IGF2BP2: variants seen among roughly 807,000 people sequenced by gnomAD.
The protein encoded by IGF2BP2 is insulin-like growth factor 2 mRNA-binding protein 2.
Under a neutral mutation model 75.8 loss-of-function variants are expected in IGF2BP2, and 17 were observed. That is an observed-to-expected ratio of 0.22 (90% CI 0.15 to 0.34). The LOEUF (loss-of-function observed/expected upper bound fraction) is 0.34. IGF2BP2 is among the 10% of genes least tolerant of loss of function. IGF2BP2 has a pLI of 1.00. For missense variants in IGF2BP2, 516 were observed against 772.4 expected, an observed-to-expected ratio of 0.67 and a Z score of 3.93; for synonymous variants, 288 against 295.6, an observed-to-expected ratio of 0.97 and a Z score of 0.26.
intron 2 of IGF2BP2, among the ~76,000 whole-genome samples, chr3:185,730,306 G>A (rs1727969996): frequency 6.6e-6 from 1 of 151,840 alleles, no homozygotes; most frequent in African/African-American, 2.4e-5. Context: ...TGGCTGCATA[G>A]TATTCCGTGG....
At chr3:185,713,342 T>C (rs1160761907) in intron 2 of IGF2BP2, 1 of 502,538 alleles carries the variant, frequency 2.0e-6, no homozygotes, top group Non-Finnish European at 4.0e-6. Flanking sequence ...TTTCACATTT[T>C]TAAAATAATA....
intron 2 of IGF2BP2, among the ~76,000 whole-genome samples, chr3:185,809,198 C>A (rs1385603392): frequency 6.6e-6 from 1 of 150,988 alleles, no homozygotes; most frequent in Non-Finnish European, 1.5e-5. Flanking sequence ...GGGAGAAATA[C>A]CTATAAGGAA....
intron 2 of IGF2BP2, among the ~76,000 whole-genome samples, chr3:185,706,970 G>A (rs564704906): frequency 1.3e-5 from 2 of 151,956 alleles, no homozygotes; most frequent in East Asian, 3.9e-4. Flanking sequence ...TCAAACTCTT[G>A]GGCTCAAGAG....
intron 10 of IGF2BP2, among the ~76,000 whole-genome samples, chr3:185,658,660 G>A (rs1360862483): frequency 6.6e-6 from 1 of 152,222 alleles, no homozygotes; most frequent in Non-Finnish European, 1.5e-5. Flanking sequence ...TTTCTAAGCT[G>A]AGTCATGCCT....
At chr3:185,720,044 G>T (rs1207940667) in intron 2 of IGF2BP2, among the ~76,000 whole-genome samples, 2 of 152,160 alleles carry the variant, frequency 1.3e-5, no homozygotes, top group Admixed American at 6.5e-5. Context: ...AAATCCCCCG[G>T]AAAGTGGGAA....
chr3:185,699,298 A>T (rs1054384612), intron 2 of IGF2BP2, among the ~76,000 whole-genome samples: 8 of 152,168 alleles, frequency 5.3e-5, no homozygotes, highest in Non-Finnish European at 1.0e-4. Flanking sequence ...TTATACAATT[A>T]TCCCCTTCTT....
intron 2 of IGF2BP2, among the ~76,000 whole-genome samples, chr3:185,776,868 T>C (rs78681595): frequency 6.6e-6 from 1 of 152,308 alleles, no homozygotes; most frequent in East Asian, 1.9e-4. Flanking sequence ...GTTTCACAAA[T>C]ATTTGAGGCA....
At chr3:185,685,788 T>C (rs902725394) in intron 7 of IGF2BP2, among the ~76,000 whole-genome samples, 2 of 152,192 alleles carry the variant, frequency 1.3e-5, no homozygotes, top group Admixed American at 6.5e-5. Flanking sequence ...ACTACAGGTA[T>C]ACACCACCAT....
At chr3:185,734,956 T>C (rs1294695476) in intron 2 of IGF2BP2, among the ~76,000 whole-genome samples, 1 of 152,140 alleles carries the variant, frequency 6.6e-6, no homozygotes, top group African/African-American at 2.4e-5. Flanking sequence ...TCCCTCACAC[T>C]GTAATAGCGA....
chr3:185,646,574 C>T lies in IGF2BP2; in HGVS notation c.1707+451G>A, dbSNP rs1214881478. ...TTGATAGGGTGGGTTGTGGTGAGAC[C>T]GAAGAGGAGGAGGAGAGAGAAATGC... On this transcript the variant is annotated intron_variant, in intron 15 of 15. Coordinates refer to ENST00000382199, the MANE Select transcript of IGF2BP2 (RefSeq NM_006548.6). Among the ~76,000 whole-genome samples, 6 of 152,132 alleles carry T rather than the reference C, an allele frequency of 3.9e-5. No individual in the cohort carries two copies. The South Asian group carries it at 8.3e-4, about 21-fold the overall frequency.
intron 6 of IGF2BP2, among the ~76,000 whole-genome samples, chr3:185,687,992 C>T (rs1343152615): frequency 1.3e-5 from 2 of 151,832 alleles, no homozygotes; most frequent in African/African-American, 4.8e-5. Context: ...AAGTCACTTT[C>T]GCAGTGAACT....
rs998094047 is a variant in IGF2BP2, at chr3:185,705,477, A to G, written c.240-7130T>C. On this transcript the variant is annotated intron_variant, in intron 2 of 15. Coordinates refer to ENST00000382199, the MANE Select transcript of IGF2BP2 (RefSeq NM_006548.6). ...TCTATAAACTCATGTTCACAAAACC[A>G]TAAGCCCCAGAACAGCCCTCATAAC... Among the ~76,000 whole-genome samples the G allele has an allele frequency of 4.6e-5, 7 of 152,298 alleles. No homozygotes were observed. In the South Asian group the frequency reaches 6.2e-4, roughly 14 times the overall value.
At chr3:185,708,204 G>T (rs1024564281) in intron 2 of IGF2BP2, among the ~76,000 whole-genome samples, 15 of 152,164 alleles carry the variant, frequency 9.9e-5, no homozygotes, top group African/African-American at 3.1e-4. Flanking sequence ...TTGACTTGTG[G>T]TCTCTATATA....
In IGF2BP2 at chr3:185,649,538, A is replaced by C. The variant is rs1293174869; in HGVS notation, c.1462-4T>G. On this transcript the variant is annotated splice_polypyrimidine_tract_variant and splice_region_variant and intron_variant, in intron 13 of 15. Coordinates refer to ENST00000382199, the MANE Select transcript of IGF2BP2 (RefSeq NM_006548.6). ...TCCCAAAGATCCGTCCCTGGGCCTG[A>C]GAGAGCAAGACATGACTAATGACTC... The C allele has an allele frequency of 6.2e-7, 1 of 1,614,004 alleles. No individual in the cohort carries two copies. The highest frequency in any genetic ancestry group is 1.1e-5 in the South Asian group (1 of 91,058).
chr3:185,683,099 T>C (rs1720624339), intron 7 of IGF2BP2, among the ~76,000 whole-genome samples: 1 of 152,220 alleles, frequency 6.6e-6, no homozygotes, highest in African/African-American at 2.4e-5. Context: ...TACACTGGAA[T>C]GTTATTTGGC....
At chr3:185,713,005 T>C (rs1025965659) in intron 2 of IGF2BP2, among the ~76,000 whole-genome samples, 14 of 152,134 alleles carry the variant, frequency 9.2e-5, no homozygotes, top group Admixed American at 2.6e-4. Context: ...TTTGAAAGTA[T>C]AAGGTTATTT....
intron 2 of IGF2BP2, among the ~76,000 whole-genome samples, chr3:185,820,303 CA>C (rs1741211633): frequency 6.7e-6 from 1 of 148,982 alleles, no homozygotes; most frequent in Non-Finnish European, 1.5e-5. Flanking sequence ...TCAACAACAC[CA>C]AAAATGAAAT....
intron 5 of IGF2BP2, among the ~76,000 whole-genome samples, chr3:185,691,197 C>A (rs958714225): frequency 8.5e-5 from 13 of 152,160 alleles, no homozygotes; most frequent in African/African-American, 3.1e-4. Flanking sequence ...CTCCCAAGTT[C>A]AAGTGATTCT....
intron 2 of IGF2BP2, among the ~76,000 whole-genome samples, chr3:185,818,639 T>C (rs1464318534): frequency 6.6e-6 from 1 of 152,206 alleles, no homozygotes; most frequent in Non-Finnish European, 1.5e-5. Context: ...GCTCAAATAA[T>C]ATCCTCTAAC....
Sources: allele counts gnomAD v4.1 joint callset (sites outside exome capture counted in the v4.1 genomes callset), GRCh38; gene constraint gnomAD v4.1.1; transcripts MANE v1.5; gene names NCBI Gene and HGNC (gene_info 2026-07-23, HGNC 2026-07-21).